ARFGEF1: variants seen among roughly 807,000 people sequenced by gnomAD.
The protein encoded by ARFGEF1 is ARF guanine nucleotide exchange factor 1.
A neutral mutation model predicts 231.0 loss-of-function variants in ARFGEF1; 42 were observed. The observed-to-expected ratio is 0.18, with a 90% CI of 0.14 to 0.24. The LOEUF (loss-of-function observed/expected upper bound fraction) is 0.24. Ranked by LOEUF, ARFGEF1 falls within the 10% of genes least tolerant of loss-of-function variation. ARFGEF1 has a pLI of 1.00. For missense variants in ARFGEF1, 1,345 were observed against 2,192.0 expected (o/e 0.61, Z 7.72); for synonymous variants, 710 against 732.3 (o/e 0.97, Z 0.49).
intron 5 of ARFGEF1, chr8:67,180,021 AG>A: frequency 3.3e-6 from 2 of 597,956 alleles, no homozygotes; most frequent in Non-Finnish European, 2.8e-6. Flanking sequence ...TGTACAAGGT[AG>A]TAAAAAAAAA....
intron 29 of ARFGEF1, among the ~76,000 whole-genome samples, chr8:67,220,518 T>A (rs1214903073): frequency 2.0e-5 from 3 of 152,178 alleles, no homozygotes; most frequent in Admixed American, 2.0e-4. Context: ...TAAAATAACA[T>A]TACAATACTT....
intron 16 of ARFGEF1, 29 bp from the exon 17 acceptor site, chr8:67,257,845 A>C: frequency 1.3e-6 from 2 of 1,547,152 alleles, no homozygotes; most frequent in Non-Finnish European, 1.8e-6. Context: ...CATGTTATAA[A>C]CTTCTACTGT....
intron 1 of ARFGEF1, among the ~76,000 whole-genome samples, chr8:67,335,849 C>A (rs1373648362): frequency 6.6e-6 from 1 of 151,742 alleles, no homozygotes; most frequent in Non-Finnish European, 1.5e-5. Flanking sequence ...CAGGTTCAAG[C>A]GATTCTCCTG....
chr8:67,299,990 C>T (rs1194426275), intron 3 of ARFGEF1, among the ~76,000 whole-genome samples: 7 of 151,814 alleles, frequency 4.6e-5, no homozygotes, highest in African/African-American at 1.7e-4. Context: ...AAAAAAATTG[C>T]TTATTGCTTT....
chr8:67,242,998 G>A (rs952621955), intron 19 of ARFGEF1, among the ~76,000 whole-genome samples: 8 of 152,222 alleles, frequency 5.3e-5, no homozygotes, highest in Non-Finnish European at 1.5e-5. Context: ...CTCAGCTGCA[G>A]TAGAATTGAA....
intron 34 of ARFGEF1, among the ~76,000 whole-genome samples, chr8:67,205,169 C>CA (rs960020277): frequency 6.6e-6 from 1 of 151,894 alleles, no homozygotes; most frequent in Admixed American, 6.6e-5. Flanking sequence ...CACTATTTTT[C>CA]ATAGTAGAAA....
rs532484647 is a variant in ARFGEF1, at chr8:67,277,637, CA to C, written c.1028-181del. 6.8e-3 allele frequency among the ~76,000 whole-genome samples: 1,042 copies of C among 152,228 alleles called. 12 individuals carry two copies. The highest frequency in any genetic ancestry group is 0.029 in the South Asian group (140 of 4,832). On this transcript the variant is annotated intron_variant, in intron 7 of 38. Transcript: ENST00000262215. ...AATAAGTATGCATCTGGCATACTTC[CA>C]AATACAATCCTTAAGTTGCTCTGGC... is the stretch of plus-strand genomic sequence containing the variant.
At chr8:67,328,595 C>T (rs1587329801) in intron 1 of ARFGEF1, among the ~76,000 whole-genome samples, 1 of 152,192 alleles carries the variant, frequency 6.6e-6, no homozygotes, top group East Asian at 1.9e-4. Flanking sequence ...ATCCTTTTAG[C>T]TTTTCATTCC....
At chr8:67,319,494 C>T (rs868551257) in intron 1 of ARFGEF1, among the ~76,000 whole-genome samples, 52 of 139,832 alleles carry the variant, frequency 3.7e-4, no homozygotes, top group Middle Eastern at 7.1e-3. Context: ...GAATTAGACA[C>T]CCATTTGCAA....
At chr8:67,332,799 A>C (rs1333396692) in intron 1 of ARFGEF1, among the ~76,000 whole-genome samples, 2 of 152,192 alleles carry the variant, frequency 1.3e-5, no homozygotes, top group African/African-American at 4.8e-5. Flanking sequence ...AGAGTGCAAC[A>C]CAACTCCCAA....
intron 1 of ARFGEF1, 59 bp downstream of exon 1, chr8:67,343,105 G>GGCC: frequency 2.1e-6 from 1 of 483,912 alleles, no homozygotes; most frequent in Non-Finnish European, 3.2e-6. Flanking sequence ...CCCCCCACAG[G>GGCC]CGCCCCCCTC....
intron 14 of ARFGEF1, among the ~76,000 whole-genome samples, chr8:67,263,261 T>C (rs961296518): frequency 6.6e-6 from 1 of 152,188 alleles, no homozygotes; most frequent in African/African-American, 2.4e-5. Flanking sequence ...CTTCCTACTT[T>C]TGTTACTTTG....
At chr8:67,282,930 T>C (rs1049022270) in intron 7 of ARFGEF1, among the ~76,000 whole-genome samples, 2 of 151,608 alleles carry the variant, frequency 1.3e-5, no homozygotes, top group African/African-American at 4.8e-5. Flanking sequence ...AAAAAATATT[T>C]ACAATACACT....
At chr8:67,190,844 A>G in intron 5 of ARFGEF1, 1 of 943,888 alleles carries the variant, frequency 1.1e-6, no homozygotes, top group Non-Finnish European at 1.7e-6. Context: ...GTGTGGCCCA[A>G]TAAAGAGCAC....
At chr8:67,210,578 C>T (rs1281191209) in intron 34 of ARFGEF1, among the ~76,000 whole-genome samples, 2 of 152,122 alleles carry the variant, frequency 1.3e-5, no homozygotes, top group African/African-American at 2.4e-5. Context: ...GGAAGGCATG[C>T]TAGGCCCTAC....
intron 22 of ARFGEF1, among the ~76,000 whole-genome samples, chr8:67,234,725 G>C (rs1472539951): frequency 1.3e-5 from 2 of 152,106 alleles, no homozygotes; most frequent in South Asian, 4.1e-4. Context: ...TTAGAAGATT[G>C]ATATGATCTA....
chr8:67,258,818 T>TACACACACACACACAC (rs10576509), intron 15 of ARFGEF1, among the ~76,000 whole-genome samples: 2,450 of 142,992 alleles, frequency 0.017, 76 homozygotes, highest in African/African-American at 0.059. Context: ...AAGCAGATTT[T>TACACACACACACACAC]ACACACACAC....
intron 3 of ARFGEF1, 32 bp downstream of exon 3, chr8:67,301,192 A>AG: frequency 6.5e-7 from 1 of 1,537,674 alleles, no homozygotes; most frequent in South Asian, 1.3e-5. Context: ...TTCAAAGTAC[A>AG]CAGTTTTTAG....
chr8:67,315,683 T>G (rs547256963), intron 1 of ARFGEF1, among the ~76,000 whole-genome samples: 1 of 152,258 alleles, frequency 6.6e-6, no homozygotes, highest in Admixed American at 6.5e-5. Flanking sequence ...GGAGAAAAAC[T>G]AATATTTCCA....
Sources: allele counts gnomAD v4.1 joint callset (sites outside exome capture counted in the v4.1 genomes callset), GRCh38; gene constraint gnomAD v4.1.1; transcripts MANE v1.5; gene names NCBI Gene and HGNC (gene_info 2026-07-23, HGNC 2026-07-21).